GSG1L: variants seen among roughly 807,000 people sequenced by gnomAD.
GSG1L encodes germ cell-specific gene 1-like protein.
GSG1L carries 24 observed loss-of-function variants against 42.1 expected under a neutral mutation model. The observed-to-expected ratio is 0.57, with a 90% CI of 0.41 to 0.80. The LOEUF is 0.80. Ranked by LOEUF, GSG1L falls within the 30% of genes least tolerant of loss-of-function variation. GSG1L has a pLI of 0.00. For missense variants in GSG1L, 445 were observed against 472.2 expected (o/e 0.94, Z 0.53); for synonymous variants, 215 against 203.5 (o/e 1.06, Z -0.48).
intron 3 of GSG1L, among the ~76,000 whole-genome samples, chr16:27,863,008 T>C (rs2083672392): frequency 1.3e-5 from 2 of 152,200 alleles, no homozygotes; most frequent in African/African-American, 4.8e-5. Flanking sequence ...GTAGCTCAGT[T>C]CACTTTTTTG....
intron 3 of GSG1L, among the ~76,000 whole-genome samples, chr16:27,876,860 G>A (rs1052384293): frequency 1.3e-5 from 2 of 152,172 alleles, no homozygotes; most frequent in Admixed American, 1.3e-4. Flanking sequence ...GGGTTTTATT[G>A]TGACATTTCA....
Position 27,884,996 on chromosome 16 carries a change from T to G in GSG1L, c.398-358A>C, listed in dbSNP as rs1490785479. On this transcript the variant is annotated intron_variant, in intron 2 of 6. Transcript: ENST00000447459. The surrounding 1 kb of genome is among the most constrained non-coding windows in gnomAD (Gnocchi z 4.4). Reference sequence around the variant, plus strand: ...ACACTGTAGACGCAGAGAAGAGTGATGGAACGATGGCCTCATCAGACCAAT... The same window carrying G: ...ACACTGTAGACGCAGAGAAGAGTGAGGGAACGATGGCCTCATCAGACCAAT... Among the ~76,000 whole-genome samples, 1 of 152,142 alleles carries G rather than the reference T, an allele frequency of 6.6e-6. No individual in the cohort carries two copies. Among genetic ancestry groups the G allele is most frequent in the Admixed American group, 6.5e-5 (1 of 15,276 alleles).
At position 27,963,164 on chromosome 16, in the gene GSG1L, G is replaced by A. The variant is rs745648536; in HGVS notation, c.389C>T (p.Ser130Leu). Residue 130 changes from serine to leucine, a missense_variant, in exon 2 of 7, where the codon TCG (serine) becomes TTG (leucine). Ser to Leu is a moderately radical substitution (Grantham distance 145). Transcript: ENST00000447459. ...CRSFIDLAPA[S>L]EKGVLWLSVV... ...GCTGGGGTCACACTCACCTTTCTCCGATGCCGGGGCCAGGTCAATGAAGCT... is the reference window on the plus strand; with the variant it reads ...GCTGGGGTCACACTCACCTTTCTCCAATGCCGGGGCCAGGTCAATGAAGCT... 1.9e-6 allele frequency: 3 copies of A among 1,613,796 alleles called. No homozygotes were observed. Among genetic ancestry groups the A allele is most frequent in the East Asian group, 2.2e-5 (1 of 44,876 alleles).
At position 27,952,426 on chromosome 16, in the gene GSG1L, G is replaced by A. The variant is rs1404739802; in HGVS notation, c.397+10730C>T. 4.6e-5 allele frequency among the ~76,000 whole-genome samples: 7 copies of A among 152,190 alleles called. No individual in the cohort carries two copies. In the East Asian group the frequency reaches 1.3e-3, roughly 29 times the overall value. ...GGTCATTTCTAAGCTGGGTTTTGAAGGATGAATATAAGTTTGCAAAGCAAA... is the reference window on the plus strand; with the variant it reads ...GGTCATTTCTAAGCTGGGTTTTGAAAGATGAATATAAGTTTGCAAAGCAAA... On this transcript the variant is annotated intron_variant, in intron 2 of 6. Coordinates refer to ENST00000447459, the MANE Select transcript of GSG1L (RefSeq NM_001109763.2).
chr16:27,802,242 C>T (rs1490976644), intron 6 of GSG1L, among the ~76,000 whole-genome samples: 2 of 152,160 alleles, frequency 1.3e-5, no homozygotes, highest in African/African-American at 2.4e-5. Flanking sequence ...TCCATGCTCC[C>T]AGGAGCCAGA....
chr16:27,865,620 CATAT>C (rs1247555062), intron 3 of GSG1L, among the ~76,000 whole-genome samples: 1 of 139,150 alleles, frequency 7.2e-6, no homozygotes, highest in Non-Finnish European at 1.6e-5. Flanking sequence ...CACACACACA[CATAT>C]ATATGTGTGT....
At chr16:28,020,754 G>A (rs1023356514) in intron 1 of GSG1L, among the ~76,000 whole-genome samples, 2 of 152,204 alleles carry the variant, frequency 1.3e-5, no homozygotes, top group African/African-American at 4.8e-5. Flanking sequence ...CTGAATCTGG[G>A]GGAAGCCAGC....
At chr16:28,039,446 C>G (rs2086079984) in intron 1 of GSG1L, among the ~76,000 whole-genome samples, 1 of 152,144 alleles carries the variant, frequency 6.6e-6, no homozygotes, top group Non-Finnish European at 1.5e-5. Context: ...ATTGGCCCCC[C>G]ACCCCCACAG....
chr16:28,048,096 G>T, intron 1 of GSG1L, among the ~76,000 whole-genome samples: 1 of 151,762 alleles, frequency 6.6e-6, no homozygotes. Flanking sequence ...AGGCATGGTG[G>T]CATGCACCTT....
intron 1 of GSG1L, among the ~76,000 whole-genome samples, chr16:27,977,072 A>G (rs1025141892): frequency 2.0e-5 from 3 of 152,196 alleles, no homozygotes; most frequent in African/African-American, 7.2e-5. Flanking sequence ...AAGAGAGTCC[A>G]GAACAAGCCC....
At chr16:27,956,700 A>T (rs2085008639) in intron 2 of GSG1L, among the ~76,000 whole-genome samples, 1 of 151,928 alleles carries the variant, frequency 6.6e-6, no homozygotes, top group African/African-American at 2.4e-5. Flanking sequence ...TATCCCCTCT[A>T]CCTGAACAGA....
At chr16:27,798,209 G>A (rs911250084) in intron 6 of GSG1L, among the ~76,000 whole-genome samples, 1 of 152,086 alleles carries the variant, frequency 6.6e-6, no homozygotes, top group Admixed American at 6.5e-5. Flanking sequence ...CAAAGATTGG[G>A]CTCATAGACA....
At chr16:27,803,793 A>ATATATATATATATATATATATAAT (rs1567460435) in intron 6 of GSG1L, among the ~76,000 whole-genome samples, 1 of 56,096 alleles carries the variant, frequency 1.8e-5, no homozygotes, top group African/African-American at 7.5e-5. Context: ...ATATATATAT[A>ATATATATATATATATATATATAAT]TAGATAGATA....
At chr16:27,951,821 G>T (rs963874415) in intron 2 of GSG1L, among the ~76,000 whole-genome samples, 1 of 152,162 alleles carries the variant, frequency 6.6e-6, no homozygotes, top group Admixed American at 6.5e-5. Flanking sequence ...ATTGTAAATC[G>T]ATTTCAGGCG....
intron 1 of GSG1L, among the ~76,000 whole-genome samples, chr16:28,021,731 C>T (rs925989399): frequency 7.2e-5 from 11 of 152,274 alleles, no homozygotes; most frequent in African/African-American, 2.6e-4. Flanking sequence ...TGGTGGGTAC[C>T]TTTCTAACCC....
chr16:27,915,886 G>T (rs1395032781), intron 2 of GSG1L, among the ~76,000 whole-genome samples: 1 of 152,176 alleles, frequency 6.6e-6, no homozygotes, highest in Non-Finnish European at 1.5e-5. Flanking sequence ...TTTAAATTCT[G>T]GTTCTGCCAC....
intron 5 of GSG1L, among the ~76,000 whole-genome samples, chr16:27,809,575 T>C (rs1827319318): frequency 1.8e-5 from 2 of 113,002 alleles, no homozygotes; most frequent in Non-Finnish European, 3.8e-5. Flanking sequence ...AGACCCCGTC[T>C]GAGAAAAAAA....
chr16:27,979,368 C>G (rs1315860092), intron 1 of GSG1L, among the ~76,000 whole-genome samples: 2 of 151,602 alleles, frequency 1.3e-5, no homozygotes, highest in Non-Finnish European at 2.9e-5. Context: ...GAGTTTGAGA[C>G]CAGCCTGGCC....
At chr16:27,862,859 A>G (rs890145661) in intron 3 of GSG1L, among the ~76,000 whole-genome samples, 3 of 152,220 alleles carry the variant, frequency 2.0e-5, no homozygotes, top group African/African-American at 7.2e-5. Context: ...GCTGAGTCCA[A>G]TTCCTGGCTC....
Sources: allele counts gnomAD v4.1 joint callset (sites outside exome capture counted in the v4.1 genomes callset), GRCh38; gene constraint gnomAD v4.1.1; non-coding constraint Gnocchi (gnomAD v3.1); transcripts MANE v1.5; gene names NCBI Gene and HGNC (gene_info 2026-07-23, HGNC 2026-07-21).